Variants in EPN2 observed in about 807,000 individuals in gnomAD.
EPN2 encodes the protein epsin 2.
In EPN2, 34 loss-of-function variants were observed where a neutral mutation model predicts 61.7. The ratio of observed to expected loss-of-function variants is 0.55; its 90% CI spans 0.42 to 0.73. EPN2 has a LOEUF of 0.73. Ranked by LOEUF, EPN2 falls within the 30% of genes least tolerant of loss-of-function variation. EPN2 has a pLI of 0.00. For synonymous variants in EPN2, 349 were observed against 353.6 expected, an observed-to-expected ratio of 0.99 and a Z score of 0.15; for missense variants, 714 against 839.2, an observed-to-expected ratio of 0.85 and a Z score of 1.84.
intron 1 of EPN2, among the ~76,000 whole-genome samples, chr17:19,256,299 C>G (rs2045077961): frequency 6.6e-6 from 1 of 151,472 alleles, no homozygotes; most frequent in Non-Finnish European, 1.5e-5. Context: ...CCAAAATTCT[C>G]CAAAAGCTGG....
chr17:19,287,790 G>A (rs964960839), intron 4 of EPN2, among the ~76,000 whole-genome samples: 5 of 152,182 alleles, frequency 3.3e-5, no homozygotes, highest in Non-Finnish European at 7.3e-5. Flanking sequence ...CCACAGCCGG[G>A]AAGGCCTCTT....
In EPN2 at chr17:19,289,076, T is replaced by TTTG. The variant is rs1452358909; in HGVS notation, c.766+3288_766+3289insGTT. ...GGCAGTAGCCAGGTTCTGGGTATGT[T>TTTG]TTTTTTTTTTTTTTTTTTTTTTTTT... is the stretch of plus-strand genomic sequence containing the variant. On this transcript the variant is annotated intron_variant, in intron 4 of 10. Transcript: ENST00000314728. 7.3e-4 allele frequency among the ~76,000 whole-genome samples: 85 copies of TTTG among 116,072 alleles called. 4 individuals are homozygous for TTTG. Among genetic ancestry groups the TTTG allele is most frequent in the African/African-American group, 3.6e-3 (82 of 23,042 alleles). 76.1% of individuals were successfully genotyped at this position (116,072 alleles called of 152,430 possible). A position where few individuals can be genotyped will look rare whatever the true frequency, so the allele number is the denominator to read the frequency against.
At position 19,287,828 on chromosome 17, in the gene EPN2, T is replaced by G. The variant is rs923710308; in HGVS notation, c.766+2038T>G. ...GTGACTGGCGATAATCATGAGGATG[T>G]CTGAGGAGAGCTTTCTTTCATGTGC... On this transcript the variant is annotated intron_variant, in intron 4 of 10. Transcript: ENST00000314728. 9.2e-5 allele frequency among the ~76,000 whole-genome samples: 14 copies of G among 152,308 alleles called. 1 individual carries two copies. Among genetic ancestry groups the G allele is most frequent in the Middle Eastern group, 3.4e-3 (1 of 294 alleles).
intron 1 of EPN2, among the ~76,000 whole-genome samples, chr17:19,238,166 G>T (rs1225229049): frequency 1.3e-5 from 2 of 152,330 alleles, no homozygotes; most frequent in South Asian, 4.1e-4. Flanking sequence ...GGAAGAGCCA[G>T]GCTCCAGCTG....
Position 19,331,841 on chromosome 17 carries a change from C to G in EPN2, c.1412-12C>G. On this transcript the variant is annotated splice_polypyrimidine_tract_variant and intron_variant, in intron 9 of 10. Transcript: ENST00000314728. ...CCACACTCACCCTGCCATATGTGTC[C>G]TTGTCTTGTAGCCGAATCTGTGACC... 1 of 1,611,970 alleles carries G rather than the reference C, an allele frequency of 6.2e-7. No individual in the cohort carries two copies. The highest frequency in any genetic ancestry group is 8.5e-7 in the Non-Finnish European group (1 of 1,178,048).
At chr17:19,262,250 G>A (rs2045149666) in intron 1 of EPN2, among the ~76,000 whole-genome samples, 1 of 151,660 alleles carries the variant, frequency 6.6e-6, no homozygotes, top group African/African-American at 2.4e-5. Context: ...AGGCCAAGGC[G>A]GGCGGACCAC....
intron 7 of EPN2, among the ~76,000 whole-genome samples, chr17:19,322,694 T>G (rs1906693967): frequency 6.6e-6 from 1 of 151,120 alleles, no homozygotes; most frequent in Non-Finnish European, 1.5e-5. Flanking sequence ...GAGCTGTGAT[T>G]GCACCACTGC....
intron 1 of EPN2, among the ~76,000 whole-genome samples, chr17:19,255,465 TTTA>T (rs2045065280): frequency 1.3e-5 from 2 of 149,238 alleles, no homozygotes; most frequent in African/African-American, 4.9e-5. Context: ...TATTTATTTA[TTTA>T]TTTATTTATT....
At chr17:19,295,486 C>A (rs759015245) in intron 4 of EPN2, among the ~76,000 whole-genome samples, 1 of 151,830 alleles carries the variant, frequency 6.6e-6, no homozygotes, top group Non-Finnish European at 1.5e-5. Context: ...GAGCCGAGAT[C>A]GTGCCATTAG....
intron 7 of EPN2, among the ~76,000 whole-genome samples, chr17:19,321,868 C>T (rs1236875752): frequency 6.6e-6 from 1 of 152,154 alleles, no homozygotes; most frequent in Non-Finnish European, 1.5e-5. Flanking sequence ...CACACCACAG[C>T]TCTTCGGCTT....
Position 19,334,304 on chromosome 17 carries a change from C to T in EPN2, c.*50C>T, listed in dbSNP as rs1453288076. 1.5e-6 allele frequency: 2 copies of T among 1,346,418 alleles called. No individual in the cohort carries two copies. Among genetic ancestry groups the T allele is most frequent in the Non-Finnish European group, 1.9e-6 (2 of 1,033,472 alleles). 83.4% of individuals were successfully genotyped at this position (1,346,418 alleles called of 1,614,324 possible). ...AGCACCTGTGCTGGAGGATGCCGAG[C>T]AGGGACTCTCGTCTGTGGGACGGGA... On this transcript the variant is annotated 3_prime_UTR_variant, in exon 11 of 11. Transcript: ENST00000314728. This position sits in a 1 kb window ranked among gnomAD's most constrained non-coding sequence, Gnocchi z 4.9.
At chr17:19,276,292 A>G (rs1597988060) in intron 1 of EPN2, 1 of 145,440 alleles carries the variant, frequency 6.9e-6, no homozygotes, top group East Asian at 2.1e-4. Context: ...GGCTCAAGGG[A>G]TTCTCCCATC....
At chr17:19,272,646 C>T (rs1354919293) in intron 1 of EPN2, among the ~76,000 whole-genome samples, 1 of 152,188 alleles carries the variant, frequency 6.6e-6, no homozygotes, top group African/African-American at 2.4e-5. Flanking sequence ...CTCACTACCA[C>T]ATCATGTTAT....
intron 1 of EPN2, chr17:19,271,702 G>C (rs2045255820): frequency 6.6e-6 from 1 of 152,322 alleles, no homozygotes; most frequent in Non-Finnish European, 1.5e-5. Flanking sequence ...GAAAGAGTTA[G>C]ATGTGACCTC....
chr17:19,305,458 C>A (rs994714929), intron 4 of EPN2, among the ~76,000 whole-genome samples: 2 of 152,158 alleles, frequency 1.3e-5, no homozygotes, highest in Non-Finnish European at 2.9e-5. Context: ...TTGCCACTTT[C>A]TTTCTGTTTG....
rs754132520 is a variant in EPN2 at position 19,243,088 on chromosome 17, A to G, written c.-294+5557A>G. Among the ~76,000 whole-genome samples the G allele has an allele frequency of 9.1e-4, 139 of 152,274 alleles. 1 individual carries two copies. Among genetic ancestry groups the G allele is most frequent in the Non-Finnish European group, 1.6e-3 (108 of 68,020 alleles). ...CTCTAAAGGGGGGCTCGTAATCACT[A>G]CTTCATGAAATAGACTAGCCTTGTT... On this transcript the variant is annotated intron_variant, in intron 1 of 10. Transcript: ENST00000314728.
At chr17:19,267,777 G>A (rs1188449035) in intron 1 of EPN2, among the ~76,000 whole-genome samples, 3 of 152,058 alleles carry the variant, frequency 2.0e-5, no homozygotes, top group Non-Finnish European at 2.9e-5. Context: ...TCCTGACCTC[G>A]TGATCCACCC....
chr17:19,300,176 G>T (rs1364833588), intron 4 of EPN2, among the ~76,000 whole-genome samples: 1 of 152,160 alleles, frequency 6.6e-6, no homozygotes, highest in East Asian at 1.9e-4. Context: ...GAAGGAGGCT[G>T]ACAAATCCAG....
rs1387448512 is a variant in EPN2 at position 19,283,323 on chromosome 17, C to T, written c.204C>T (p.Gly68=). 6.2e-7 allele frequency: 1 copy of T among 1,613,968 alleles called. No homozygotes were observed. The highest frequency in any genetic ancestry group is 8.5e-7 in the Non-Finnish European group (1 of 1,179,998). ...TGTGGAAGCGGCTGAATGACCATGGCAAGAACTGGCGGCATGTGTACAAGG... is the reference window on the plus strand; with the variant it reads ...TGTGGAAGCGGCTGAATGACCATGGTAAGAACTGGCGGCATGTGTACAAGG... The part of the protein sequence containing the change: ...SMVWKRLNDH[G]KNWRHVYKAL... The change falls in exon 3 of 11, where the codon GGC becomes GGT. Residue 68 remains glycine (G), a synonymous_variant. Coordinates refer to ENST00000314728, the MANE Select transcript of EPN2 (RefSeq NM_014964.5). The surrounding 1 kb of genome is among the most constrained non-coding windows in gnomAD (Gnocchi z 7.0).
Sources: allele counts gnomAD v4.1 joint callset (sites outside exome capture counted in the v4.1 genomes callset), GRCh38; gene constraint gnomAD v4.1.1; non-coding constraint Gnocchi (gnomAD v3.1); transcripts MANE v1.5; gene names NCBI Gene and HGNC (gene_info 2026-07-23, HGNC 2026-07-21).